Variants in MAP3K11 observed in about 807,000 individuals in gnomAD.
MAP3K11 encodes the protein mitogen-activated protein kinase kinase kinase 11.
In MAP3K11, 46 loss-of-function variants were observed where a neutral mutation model predicts 84.9. The observed-to-expected ratio is 0.54, with a 90% CI of 0.43 to 0.69. MAP3K11 has a LOEUF of 0.69. Among genes scored for constraint, MAP3K11 ranks in the 30% least tolerant of loss-of-function variants. The probability of loss-of-function intolerance (pLI) is 0.00; values close to 1 mark genes in which losing one functional copy is unlikely to be tolerated. For synonymous variants in MAP3K11, 527 were observed against 514.7 expected, an observed-to-expected ratio of 1.02 and a Z score of -0.32; for missense variants, 1,053 against 1,198.3, an observed-to-expected ratio of 0.88 and a Z score of 1.79.
chr11:65,605,975 G>T lies in MAP3K11; in HGVS notation c.1710C>A (p.Ser570=), dbSNP rs945214629. The T allele has an allele frequency of 1.9e-6, 3 of 1,602,504 alleles. No homozygotes were observed. Among genetic ancestry groups the T allele is most frequent in the Admixed American group, 1.7e-5 (1 of 57,374 alleles). Residue 570 remains serine, a synonymous_variant, in exon 7 of 10, where the codon TCC becomes TCA. Transcript: ENST00000309100. Reference sequence around the variant, plus strand: ...CATTCTGGGCTTCCCCAGGCTTGGGGGAACTGGGACCCCAAGCCCAGCATG... The same window carrying T: ...CATTCTGGGCTTCCCCAGGCTTGGGTGAACTGGGACCCCAAGCCCAGCATG... The part of the protein sequence containing the change: ...RRACWAWGPS[S]PKPGEAQNGR...
At chr11:65,610,111 C>G (rs908136059) in intron 1 of MAP3K11, 1 of 152,692 alleles carries the variant, frequency 6.5e-6, no homozygotes, top group Non-Finnish European at 1.5e-5. Context: ...AGCTCCCTCT[C>G]CCCACTGGCA....
chr11:65,604,048 G>C (rs960243818), intron 8 of MAP3K11, among the ~76,000 whole-genome samples: 2 of 152,274 alleles, frequency 1.3e-5, no homozygotes, highest in Non-Finnish European at 2.9e-5. Context: ...AGGAGATGAG[G>C]AAGGCTGCTA....
chr11:65,598,053 A>C lies in MAP3K11; in HGVS notation c.*238T>G, dbSNP rs1854401274. 1 of 390,760 alleles carries C rather than the reference A, an allele frequency of 2.6e-6. No individual in the cohort carries two copies. Among genetic ancestry groups the C allele is most frequent in the East Asian group, 3.7e-5 (1 of 27,186 alleles). The allele number at this position is 390,760 out of a possible 1,614,324, so 24.2% of individuals were successfully genotyped here. ...CTGGTCCTCCCAACCAGCTGGGTAC[A>C]GTGTTGGGCCCCAGTAGGGCAGGTG... On this transcript the variant is annotated 3_prime_UTR_variant, in exon 10 of 10. Transcript: ENST00000309100.
Position 65,606,758 on chromosome 11 carries a change from C to T in MAP3K11, c.1536G>A (p.Arg512=). The T allele has an allele frequency of 3.7e-6, 6 of 1,606,342 alleles. No homozygotes were observed. The highest frequency in any genetic ancestry group is 5.1e-6 in the Non-Finnish European group (6 of 1,176,768). ...ITVQASPGLD[R]RRNVFEVGPG... ...GCCCGACCTCGAAGACGTTTCTCCT[C>T]CGGTCAAGGCCGGGTGAGGCCTGCA... The change falls in exon 6 of 10, where the codon CGG becomes CGA. Residue 512 remains arginine, a synonymous_variant. Coordinates refer to ENST00000309100, the MANE Select transcript of MAP3K11 (RefSeq NM_002419.4).
chr11:65,610,614 A>T (rs1469274594), intron 1 of MAP3K11: 1 of 152,204 alleles, frequency 6.6e-6, no homozygotes, highest in African/African-American at 2.4e-5. Context: ...CAGTGGGTGG[A>T]GTGGAAATGG....
chr11:65,601,769 A>G (rs1345134287), intron 8 of MAP3K11, among the ~76,000 whole-genome samples: 2 of 148,190 alleles, frequency 1.3e-5, no homozygotes, highest in African/African-American at 4.9e-5. Context: ...AAAAAAAAAA[A>G]GCAAATTCTT....
intron 1 of MAP3K11, chr11:65,611,826 G>C (rs1854573642): frequency 6.6e-6 from 1 of 152,370 alleles, no homozygotes; most frequent in African/African-American, 2.4e-5. Flanking sequence ...ATTGGGGCAG[G>C]TAGCGGGGGT....
At chr11:65,603,125 G>T (rs965517029) in intron 8 of MAP3K11, among the ~76,000 whole-genome samples, 2 of 152,100 alleles carry the variant, frequency 1.3e-5, no homozygotes, top group Non-Finnish European at 2.9e-5. Context: ...AGACAGAAAT[G>T]AGACAAAGGG....
At chr11:65,601,216 C>T (rs377128459) in intron 8 of MAP3K11, among the ~76,000 whole-genome samples, 13 of 152,298 alleles carry the variant, frequency 8.5e-5, no homozygotes, top group African/African-American at 2.9e-4. Context: ...TGCATGCCTG[C>T]GCACACACTA....
At chr11:65,612,937 C>T in intron 1 of MAP3K11, 81 bp downstream of exon 1, 1 of 1,469,974 alleles carries the variant, frequency 6.8e-7, no homozygotes, top group Non-Finnish European at 9.0e-7. Flanking sequence ...TGCAGTAGAC[C>T]CTAAGCTAGG....
chr11:65,607,465 G>A lies in MAP3K11; in HGVS notation c.1294C>T (p.Arg432Trp). The A allele has an allele frequency of 6.4e-7, 1 of 1,553,322 alleles. No individual in the cohort carries two copies. Among genetic ancestry groups the A allele is most frequent in the South Asian group, 1.2e-5 (1 of 83,918 alleles). The change falls in exon 5 of 10, where the codon CGG (arginine) becomes TGG (tryptophan). Residue 432 changes from arginine to tryptophan, a missense_variant. Transcript: ENST00000309100. ...CGCCGCAGCTGCTCCGCCTGTGACC[G>A]CTGCTCGCGCGCCGCTCGCGTCAGC... ...EELTRAAREQRSQAEQLRRRE... is the reference protein window; with the variant it reads ...EELTRAAREQWSQAEQLRRRE...
At chr11:65,607,158 C>T (rs1183221134) in intron 5 of MAP3K11, 112 bp downstream of exon 5, 3 of 1,331,080 alleles carry the variant, frequency 2.3e-6, no homozygotes, top group South Asian at 1.6e-5. Context: ...CTTCATCTCA[C>T]GGGCCCACCC....
chr11:65,600,310 G>T (rs1324230551), intron 8 of MAP3K11, among the ~76,000 whole-genome samples: 1 of 152,216 alleles, frequency 6.6e-6, no homozygotes, highest in Admixed American at 6.5e-5. Context: ...GGAGGAAAAT[G>T]AGGTTCAGAG....
In MAP3K11 at chr11:65,598,557, G is replaced by A. The variant is rs560632256; in HGVS notation, c.2278C>T (p.Pro760Ser). 11 of 1,606,496 alleles carry A rather than the reference G, an allele frequency of 6.8e-6. No individual in the cohort carries two copies. In the East Asian group the frequency reaches 1.3e-4, roughly 20 times the overall value. The change falls in exon 10 of 10, where the codon CCC becomes TCC. Residue 760 changes from proline to serine, a missense_variant. Physicochemically the swap from Pro to Ser is moderately conservative, Grantham distance 74. This residue lies in a region of MAP3K11 where 583 missense variants were observed against 566.6 expected (regional missense o/e 1.03). Transcript: ENST00000309100. ...PGTPGTPRSP[P>S]LGLISRPRPS... ...CGAGGTCGGCTGATGAGGCCCAGGGGTGGTGAACGTGGGGTGCCTGGGGTG... is the reference window on the plus strand; with the variant it reads ...CGAGGTCGGCTGATGAGGCCCAGGGATGGTGAACGTGGGGTGCCTGGGGTG...
Position 65,614,034 on chromosome 11 carries a change from G to A in MAP3K11, c.-278C>T. 1 of 462,994 alleles carries A rather than the reference G, an allele frequency of 2.2e-6. No homozygotes were observed. The highest frequency in any genetic ancestry group is 3.3e-5 in the South Asian group (1 of 30,412). 28.7% of individuals were successfully genotyped at this position (462,994 alleles called of 1,614,324 possible). ...CCATGGCTAGCTTGGAGGGACCCGAGCTTCCCTCGGTTCTGGAGCAGTCCT... is the reference window on the plus strand; with the variant it reads ...CCATGGCTAGCTTGGAGGGACCCGAACTTCCCTCGGTTCTGGAGCAGTCCT... On this transcript the variant is annotated 5_prime_UTR_variant, in exon 1 of 10. Transcript: ENST00000309100.
rs760944599 is a variant in MAP3K11, at chr11:65,613,646, C to T, written c.111G>A (p.Lys37=). 33 of 1,612,772 alleles carry T rather than the reference C, an allele frequency of 2.0e-5. No homozygotes were observed. The highest frequency in any genetic ancestry group is 2.8e-5 in the Non-Finnish European group (33 of 1,180,012). Residue 37 remains lysine (K), a synonymous_variant, in exon 1 of 10, where the codon AAG becomes AAA. Transcript: ENST00000309100. ...GGGGRPEGSP[K]AAGYANPVWT... ...ACACCGGGTTGGCATAACCCGCTGC[C>T]TTTGGAGACCCCTCAGGCCGGCCTC... is the stretch of plus-strand genomic sequence containing the variant.
rs1424172079 is a variant in MAP3K11 at position 65,599,382 on chromosome 11, C to T, written c.2206+12G>A. ...TCCCATATGTGAAGCAGGCCGGCTT[C>T]AGGCCACTCACCGCGGGGCTCCTCC... is the stretch of plus-strand genomic sequence containing the variant. On this transcript the variant is annotated intron_variant, in intron 9 of 9. Transcript: ENST00000309100. 2 of 1,536,698 alleles carry T rather than the reference C, an allele frequency of 1.3e-6. No homozygotes were observed. Among genetic ancestry groups the T allele is most frequent in the South Asian group, 2.5e-5 (2 of 80,548 alleles).
At chr11:65,608,798 T>C (rs921846825) in intron 1 of MAP3K11, 5 of 215,534 alleles carry the variant, frequency 2.3e-5, no homozygotes, top group Admixed American at 5.4e-5. Flanking sequence ...GCATTTTTAG[T>C]AGAGACAGGG....
intron 9 of MAP3K11, 138 bp downstream of exon 9, chr11:65,599,256 C>A (rs1854421075): frequency 1.8e-6 from 2 of 1,081,516 alleles, no homozygotes; most frequent in South Asian, 1.8e-5. Context: ...GTCTTCAGTA[C>A]CCCGAATGCC....
Sources: gnomAD v4.1 joint callset for allele counts (sites outside exome capture counted in the v4.1 genomes callset) on GRCh38, gnomAD v4.1.1 for gene constraint, gnomAD v4.1.1 regional missense constraint, MANE v1.5 for transcripts, NCBI Gene and HGNC (gene_info 2026-07-23, HGNC 2026-07-21) for gene names.